TXLNB: variants seen among roughly 807,000 people sequenced by gnomAD.
The protein encoded by TXLNB is taxilin beta.
Under a neutral mutation model 57.4 loss-of-function variants are expected in TXLNB, and 37 were observed. The observed-to-expected ratio is 0.64, with a 90% CI of 0.50 to 0.85. TXLNB has a LOEUF of 0.85. TXLNB is among the 40% of genes least tolerant of loss of function. TXLNB has a pLI of 0.00. For missense variants in TXLNB, 848 were observed against 825.6 expected (o/e 1.03, Z -0.33); for synonymous variants, 302 against 309.6 (o/e 0.98, Z 0.26).
At chr6:139,286,011 T>C (rs72990537) in intron 2 of TXLNB, among the ~76,000 whole-genome samples, 39,509 of 133,440 alleles carry the variant, frequency 0.3, 4,279 homozygotes, top group African/African-American at 0.45. Context: ...CATTTTCTAT[T>C]TCTTATCTTT....
At chr6:139,298,919 T>C in the TXLNB span, among the ~76,000 whole-genome samples, 93,110 of 151,968 alleles carry the variant, frequency 0.61, 28,755 homozygotes, top group Non-Finnish European at 0.65. Flanking sequence ...CCTTCCTCCA[T>C]GTTCTCTCCT....
At chr6:139,311,490 T>A in the TXLNB span, among the ~76,000 whole-genome samples, 1 of 145,906 alleles carries the variant, frequency 6.9e-6, no homozygotes, top group Non-Finnish European at 1.5e-5. Context: ...AGACTTTACT[T>A]TGTGATATTT....
chr6:139,193,516 C>T, the TXLNB span, among the ~76,000 whole-genome samples: 5 of 151,918 alleles, frequency 3.3e-5, no homozygotes, highest in Non-Finnish European at 7.4e-5. Context: ...GATCTTTTTG[C>T]TGATCTTCTT....
chr6:139,204,165 C>T, the TXLNB span, among the ~76,000 whole-genome samples: 1 of 152,154 alleles, frequency 6.6e-6, no homozygotes, highest in Non-Finnish European at 1.5e-5. Flanking sequence ...ATTCTCCTGC[C>T]TCTGCCTCCC....
downstream of TXLNB, among the ~76,000 whole-genome samples, chr6:139,239,841 T>TTCTCTCTCTG (rs570688541): frequency 4.1e-5 from 6 of 148,084 alleles, no homozygotes; most frequent in South Asian, 8.4e-4. This position sits in a 1 kb window ranked among gnomAD's most constrained non-coding sequence, Gnocchi z 4.7. Flanking sequence ...CTCCCTCCCT[T>TTCTCTCTCTG]TCTCTCTCTG....
Position 139,243,105 on chromosome 6 carries a change from C to T in TXLNB, c.1476G>A (p.Glu492=). 6.2e-7 allele frequency: 1 copy of T among 1,614,182 alleles called. No individual in the cohort carries two copies. The highest frequency in any genetic ancestry group is 8.5e-7 in the Non-Finnish European group (1 of 1,180,030). The part of the protein sequence containing the change: ...VSVDQEIDAE[E]VNSVQTAVKN... The stretch of plus-strand genomic sequence containing the variant: ...TCACGGCGGTTTGGACACTATTAAC[C>T]TCCTCTGCGTCAATCTCTTGATCCA... Residue 492 remains glutamate, a synonymous_variant, in exon 10 of 10, where the codon GAG becomes GAA. Transcript: ENST00000358430.
chr6:139,310,351 T>C, the TXLNB span, among the ~76,000 whole-genome samples: 1 of 152,190 alleles, frequency 6.6e-6, no homozygotes, highest in Admixed American at 6.5e-5. Context: ...ACAGAAGAGT[T>C]AAAATAGCCA....
At chr6:139,184,045 T>G in the TXLNB span, among the ~76,000 whole-genome samples, 4 of 152,168 alleles carry the variant, frequency 2.6e-5, no homozygotes, top group African/African-American at 9.7e-5. Flanking sequence ...AGCTGCACAT[T>G]GTTGTGGAGT....
intron 2 of TXLNB, among the ~76,000 whole-genome samples, chr6:139,285,102 C>T (rs961202915): frequency 1.4e-5 from 2 of 144,976 alleles, no homozygotes; most frequent in African/African-American, 5.1e-5. Flanking sequence ...TCGTAAATAG[C>T]GGCAGAATTA....
chr6:139,221,310 C>T, the TXLNB span, among the ~76,000 whole-genome samples: 2 of 122,688 alleles, frequency 1.6e-5, no homozygotes, highest in Admixed American at 9.2e-5. Context: ...AATTACACTG[C>T]AGAAAATAAA....
At chr6:139,224,184 A>G in the TXLNB span, among the ~76,000 whole-genome samples, 1 of 151,118 alleles carries the variant, frequency 6.6e-6, no homozygotes, top group Non-Finnish European at 1.5e-5. Flanking sequence ...TTCTCGGTAA[A>G]CTATCGCAAG....
chr6:139,323,423 C>T, the TXLNB span, among the ~76,000 whole-genome samples: 1 of 151,892 alleles, frequency 6.6e-6, no homozygotes, highest in Non-Finnish European at 1.5e-5. Context: ...ACTGGGACTA[C>T]AGGTGCGTGC....
chr6:139,301,001 C>T, the TXLNB span, among the ~76,000 whole-genome samples: 13 of 152,204 alleles, frequency 8.5e-5, no homozygotes, highest in Non-Finnish European at 1.8e-4. Flanking sequence ...TTCAGGGCCC[C>T]CATTCTGTAT....
chr6:139,217,146 A>G, the TXLNB span, among the ~76,000 whole-genome samples: 1 of 152,208 alleles, frequency 6.6e-6, no homozygotes, highest in Non-Finnish European at 1.5e-5. Flanking sequence ...AGAGATGTCC[A>G]GGGTGGTGTG....
rs140200627 is a variant in TXLNB, at chr6:139,242,939, G to A, written c.1642C>T (p.Pro548Ser). 1.9e-6 allele frequency: 3 copies of A among 1,614,114 alleles called. No individual in the cohort carries two copies. The highest frequency in any genetic ancestry group is 2.5e-6 in the Non-Finnish European group (3 of 1,180,014). The change falls in exon 10 of 10, where the codon CCT becomes TCT. Residue 548 changes from proline (P) to serine (S), a missense_variant. Physicochemically the swap from Pro to Ser is moderately conservative, Grantham distance 74 (BLOSUM62 -1). Transcript: ENST00000358430. The part of the protein sequence containing the change: ...LKEPEQPPLI[P>S]SRDSESPLPP... ...AGGGGACTCTCTGAATCCCGTGAAG[G>A]GATCAGAGGGGGTTGCTCTGGCTCC...
the TXLNB span, among the ~76,000 whole-genome samples, chr6:139,194,660 C>G: frequency 7.9e-5 from 12 of 152,200 alleles, no homozygotes; most frequent in Non-Finnish European, 1.5e-4. Context: ...CAATAGACTT[C>G]CAGTTGATCC....
At chr6:139,263,945 A>G (rs1017551929) in intron 4 of TXLNB, among the ~76,000 whole-genome samples, 2 of 152,242 alleles carry the variant, frequency 1.3e-5, no homozygotes, top group Non-Finnish European at 2.9e-5. Flanking sequence ...TAACAGAATA[A>G]TGTGATCCAA....
the TXLNB span, chr6:139,177,902 C>A: frequency 6.6e-6 from 1 of 152,186 alleles, no homozygotes; most frequent in Non-Finnish European, 1.5e-5. The surrounding 1 kb of genome is among the most constrained non-coding windows in gnomAD (Gnocchi z 4.9). Context: ...TGATTTATTA[C>A]AGGTTGCACT....
chr6:139,239,928 T>C (rs991306212), downstream of TXLNB: 5 of 152,130 alleles, frequency 3.3e-5, no homozygotes, highest in African/African-American at 9.7e-5. This position sits in a 1 kb window ranked among gnomAD's most constrained non-coding sequence, Gnocchi z 4.7. Context: ...CACGTAATTC[T>C]ATTTAGTGAC....
Sources: allele counts gnomAD v4.1 joint callset (sites outside exome capture counted in the v4.1 genomes callset), GRCh38; gene constraint gnomAD v4.1.1; non-coding constraint Gnocchi (gnomAD v3.1); transcripts MANE v1.5; gene names NCBI Gene and HGNC (gene_info 2026-07-23, HGNC 2026-07-21).